Variants in BICD1 observed in about 807,000 individuals in gnomAD.
BICD1 encodes the protein protein bicaudal D homolog 1.
A neutral mutation model predicts 92.5 loss-of-function variants in BICD1; 35 were observed. That is an observed-to-expected ratio of 0.38 (90% CI 0.29 to 0.50). BICD1 has a LOEUF of 0.50. Ranked by LOEUF, BICD1 falls within the 20% of genes least tolerant of loss-of-function variation. The pLI, the probability that BICD1 is intolerant of heterozygous loss-of-function variation, is 0.93. For synonymous variants in BICD1, 429 were observed against 465.1 expected (o/e 0.92, Z 1.00); for missense variants, 950 against 1,189.8 (o/e 0.80, Z 2.97).
intron 2 of BICD1, among the ~76,000 whole-genome samples, chr12:32,253,954 TGTATCCCACCTGTCATAATCACTGCC>T (rs1453613760): frequency 0.012 from 1,746 of 144,552 alleles, 42 homozygotes; most frequent in African/African-American, 0.043. Flanking sequence ...TATTTACTGC[TGTATCCCACCTGTCATAATCACTGCC>T]GTATCCCACC....
intron 2 of BICD1, among the ~76,000 whole-genome samples, chr12:32,266,489 C>G (rs1947001117): frequency 6.6e-6 from 1 of 152,150 alleles, no homozygotes; most frequent in Admixed American, 6.5e-5. Flanking sequence ...ACAACATCAT[C>G]TAAAAGCAAA....
chr12:32,220,539 A>G (rs1324765784), intron 2 of BICD1, among the ~76,000 whole-genome samples: 62 of 151,258 alleles, frequency 4.1e-4, no homozygotes, highest in African/African-American at 1.0e-3. Context: ...CAAAACCACA[A>G]TGAGATACCA....
At chr12:32,361,027 C>T (rs2136320919) in intron 8 of BICD1, among the ~76,000 whole-genome samples, 1 of 152,274 alleles carries the variant, frequency 6.6e-6, no homozygotes, top group South Asian at 2.1e-4. Flanking sequence ...AAACAAAGCT[C>T]AATGGAAATA....
chr12:32,107,604 C>A, intron 1 of BICD1, 60 bp downstream of exon 1: 1 of 1,495,894 alleles, frequency 6.7e-7, no homozygotes, highest in Non-Finnish European at 9.1e-7. Context: ...GCAAGGCCCA[C>A]TCATCATGAT....
Position 32,107,294 on chromosome 12 carries a change from C to A in BICD1, c.-38C>A, listed in dbSNP as rs763097392. 4.6e-6 allele frequency: 7 copies of A among 1,535,726 alleles called. No individual in the cohort carries two copies. In the East Asian group the frequency reaches 1.2e-4, roughly 26 times the overall value. On this transcript the variant is annotated 5_prime_UTR_variant, in exon 1 of 10. Coordinates refer to ENST00000652176, the MANE Select transcript of BICD1 (RefSeq NM_001714.4). ...CCGCCAGCTTCGCATCCATCTCCCC[C>A]ACCCCGTAACCCCCTCCTGCCTCCA...
Position 32,364,660 on chromosome 12 carries a change from C to G in BICD1, c.2765-3010C>G, listed in dbSNP as rs534672452. ...TAAATAATAAATGAAAAATAATCATCATTAGCTTGGCTAGGAGCAGTGGCT... is the reference window on the plus strand; with the variant it reads ...TAAATAATAAATGAAAAATAATCATGATTAGCTTGGCTAGGAGCAGTGGCT... On this transcript the variant is annotated intron_variant, in intron 8 of 9. Transcript: ENST00000652176. 7.9e-5 allele frequency among the ~76,000 whole-genome samples: 12 copies of G among 152,292 alleles called. 1 individual carries two copies. The highest frequency in any genetic ancestry group is 2.9e-4 in the African/African-American group (12 of 41,570).
At chr12:32,239,032 G>A (rs2136077273) in intron 2 of BICD1, among the ~76,000 whole-genome samples, 1 of 149,738 alleles carries the variant, frequency 6.7e-6, no homozygotes, top group East Asian at 2.0e-4. Flanking sequence ...GGATCATGAG[G>A]TCAGGAGATC....
rs140638539 is a variant in BICD1 at position 32,269,575 on chromosome 12, A to G, written c.427-24419A>G. On this transcript the variant is annotated intron_variant, in intron 2 of 9. Transcript: ENST00000652176. ...GATTTTAGTAAGAAATGCTAAAATCAAAAAGATAGGTAAATATTTAAGGAA... is the reference window on the plus strand; with the variant it reads ...GATTTTAGTAAGAAATGCTAAAATCGAAAAGATAGGTAAATATTTAAGGAA... Among the ~76,000 whole-genome samples, 312 of 152,384 alleles carry G rather than the reference A, an allele frequency of 2.0e-3. 3 individuals carry two copies. Among genetic ancestry groups the G allele is most frequent in the Middle Eastern group, 0.014 (4 of 294 alleles).
intron 1 of BICD1, among the ~76,000 whole-genome samples, chr12:32,164,997 G>T (rs1345228883): frequency 6.6e-6 from 1 of 152,158 alleles, no homozygotes; most frequent in East Asian, 1.9e-4. Context: ...AGCTGACACT[G>T]CTCTGCTTTG....
chr12:32,239,338 A>C (rs1253734352), intron 2 of BICD1, among the ~76,000 whole-genome samples: 3 of 150,994 alleles, frequency 2.0e-5, no homozygotes, highest in Non-Finnish European at 4.4e-5. Flanking sequence ...AGGCCGAGGC[A>C]GGCGGATCAT....
chr12:32,375,058 A>G (rs1176155301), intron 9 of BICD1, among the ~76,000 whole-genome samples: 1 of 150,174 alleles, frequency 6.7e-6, no homozygotes, highest in African/African-American at 2.4e-5. Context: ...AGCTGGGACT[A>G]CAGGCGCCCG....
chr12:32,201,735 G>A (rs893031714), intron 1 of BICD1, among the ~76,000 whole-genome samples: 1 of 151,298 alleles, frequency 6.6e-6, no homozygotes, highest in Non-Finnish European at 1.5e-5. Context: ...ACACTCATTG[G>A]CCAAGACCCA....
intron 2 of BICD1, among the ~76,000 whole-genome samples, chr12:32,236,751 C>G (rs1216770922): frequency 6.6e-6 from 1 of 151,916 alleles, no homozygotes; most frequent in Admixed American, 6.6e-5. Context: ...GAGTGCTATT[C>G]TGTTGAACAC....
At chr12:32,163,043 TA>T (rs34142839) in intron 1 of BICD1, among the ~76,000 whole-genome samples, 21,407 of 152,124 alleles carry the variant, frequency 0.14, 1,751 homozygotes, top group East Asian at 0.21. Flanking sequence ...GGTTTTAACA[TA>T]TTTAGTTGAA....
At chr12:32,240,449 T>C (rs78229523) in intron 2 of BICD1, among the ~76,000 whole-genome samples, 7,343 of 152,286 alleles carry the variant, frequency 0.048, 296 homozygotes, top group East Asian at 0.21. Context: ...GACTCATGTC[T>C]GCTTCCTCCA....
At chr12:32,113,156 G>A (rs1941759775) in intron 1 of BICD1, among the ~76,000 whole-genome samples, 1 of 152,154 alleles carries the variant, frequency 6.6e-6, no homozygotes, top group Admixed American at 6.5e-5. Flanking sequence ...GATTGAGGCT[G>A]TGTGGTGGGA....
chr12:32,302,801 A>G (rs1240643244), intron 3 of BICD1, among the ~76,000 whole-genome samples: 9 of 150,822 alleles, frequency 6.0e-5, no homozygotes, highest in African/African-American at 1.5e-4. Flanking sequence ...ATTCTAAATA[A>G]TGGATATTAT....
chr12:32,158,510 A>C (rs896827112), intron 1 of BICD1, among the ~76,000 whole-genome samples: 7 of 152,248 alleles, frequency 4.6e-5, no homozygotes, highest in Non-Finnish European at 1.0e-4. Context: ...AAGTGAGTTA[A>C]TATGTGGAAA....
intron 2 of BICD1, among the ~76,000 whole-genome samples, chr12:32,240,243 C>T (rs1051126356): frequency 4.6e-5 from 7 of 152,260 alleles, no homozygotes; most frequent in Admixed American, 3.3e-4. Flanking sequence ...GCTGCTATAC[C>T]AAAGTACTAT....
Sources: allele counts gnomAD v4.1 joint callset (sites outside exome capture counted in the v4.1 genomes callset), GRCh38; gene constraint gnomAD v4.1.1; transcripts MANE v1.5; gene names NCBI Gene and HGNC (gene_info 2026-07-23, HGNC 2026-07-21).